Variants in CCDC33 observed in about 807,000 individuals in gnomAD.
The protein encoded by CCDC33 is coiled-coil domain containing 33.
CCDC33 carries 94 observed loss-of-function variants against 91.9 expected under a neutral mutation model. The observed-to-expected ratio is 1.02, with a 90% CI of 0.87 to 1.21. CCDC33 has a LOEUF of 1.21. Ranked by LOEUF, CCDC33 falls within the 50% of genes most tolerant of loss-of-function variation. CCDC33 has a pLI of 0.00. For missense variants in CCDC33, 940 were observed against 935.5 expected, an observed-to-expected ratio of 1.00 and a Z score of -0.06; for synonymous variants, 396 against 374.5, an observed-to-expected ratio of 1.06 and a Z score of -0.66.
At position 74,306,184 on chromosome 15, in the gene CCDC33, TC is replaced by T. The variant is rs571503979; in HGVS notation, c.1290+10239del. Among the ~76,000 whole-genome samples the T allele has an allele frequency of 3.3e-5, 5 of 152,116 alleles. No homozygotes were observed. In the East Asian group the frequency reaches 9.7e-4, roughly 29 times the overall value. ...ACATAAAGATAATTCCGTACAAGGGTCCCTGTGCTCAAGAAGTCCCAATTGA... is the reference window on the plus strand; with the variant it reads ...ACATAAAGATAATTCCGTACAAGGGTCCTGTGCTCAAGAAGTCCCAATTGA... On this transcript the variant is annotated intron_variant, in intron 11 of 18. Coordinates refer to ENST00000398814, the MANE Select transcript of CCDC33 (RefSeq NM_025055.5).
At chr15:74,292,380 T>G (rs2059601285) in intron 10 of CCDC33, among the ~76,000 whole-genome samples, 1 of 152,192 alleles carries the variant, frequency 6.6e-6, no homozygotes, top group African/African-American at 2.4e-5. Context: ...AGCAAGGGGC[T>G]GAGGGCATAA....
chr15:74,330,788 T>C (rs1234149415), intron 13 of CCDC33, 37 bp downstream of exon 13: 15 of 1,565,972 alleles, frequency 9.6e-6, no homozygotes, highest in Non-Finnish European at 1.1e-5. Context: ...GGGAGGGAGC[T>C]ATGGTGGGGG....
At position 74,330,376 on chromosome 15, in the gene CCDC33, A is replaced by G. The variant is rs748754982; in HGVS notation, c.1456+22A>G. 1.2e-5 allele frequency: 19 copies of G among 1,549,540 alleles called. No individual in the cohort carries two copies. The Admixed American group carries it at 3.2e-4, about 26-fold the overall frequency. ...ACGGGTGAGGATGTGCAGGCCACCA[A>G]GGGCACCCGGGCTTCTGCCTGGGCC... On this transcript the variant is annotated intron_variant, in intron 12 of 18. Coordinates refer to ENST00000398814, the MANE Select transcript of CCDC33 (RefSeq NM_025055.5).
At chr15:74,323,941 A>G (rs900091359) in intron 11 of CCDC33, among the ~76,000 whole-genome samples, 6 of 152,060 alleles carry the variant, frequency 3.9e-5, no homozygotes, top group Non-Finnish European at 8.8e-5. Flanking sequence ...AATACAAAAA[A>G]AATTAGCCCG....
intron 2 of CCDC33, among the ~76,000 whole-genome samples, chr15:74,251,139 C>G (rs2075696263): frequency 1.3e-5 from 2 of 152,372 alleles, no homozygotes; most frequent in South Asian, 2.1e-4. Context: ...CTGCTGCAGG[C>G]CTGCCTGGCT....
chr15:74,284,769 G>A (rs140756241), intron 10 of CCDC33, among the ~76,000 whole-genome samples: 1 of 152,200 alleles, frequency 6.6e-6, no homozygotes, highest in African/African-American at 2.4e-5. Context: ...AGCTGAGTAC[G>A]GTGATGAGCT....
At chr15:74,297,566 C>T (rs351192) in intron 11 of CCDC33, among the ~76,000 whole-genome samples, 133,900 of 152,188 alleles carry the variant, frequency 0.88, 59,652 homozygotes, top group Non-Finnish European at 0.95. Flanking sequence ...TGTTGGTGCA[C>T]GTCTGTAGTC....
At chr15:74,310,266 C>A (rs1054618820) in intron 11 of CCDC33, among the ~76,000 whole-genome samples, 7 of 152,068 alleles carry the variant, frequency 4.6e-5, no homozygotes, top group African/African-American at 1.7e-4. Flanking sequence ...AGGCCGGGCA[C>A]AATGGCTCAT....
chr15:74,331,216 T>C lies in CCDC33; in HGVS notation c.1691T>C (p.Met564Thr). The change falls in exon 15 of 19, where the codon ATG becomes ACG. Residue 564 changes from methionine to threonine, a missense_variant. Met to Thr is a moderately conservative substitution (Grantham distance 81). Transcript: ENST00000398814. ...VRHQEKVIEK[M>T]ERVLEDRLQD... ...TCTGCTCTCCAGGTGATCGAGAAGA[T>C]GGAGCGGGTGCTGGAGGACAGGCTG... The C allele has an allele frequency of 6.2e-7, 1 of 1,614,132 alleles. No homozygotes were observed. The highest frequency in any genetic ancestry group is 8.5e-7 in the Non-Finnish European group (1 of 1,179,998).
At chr15:74,231,276 G>T (rs1385852395) in intron 2 of CCDC33, among the ~76,000 whole-genome samples, 1 of 152,194 alleles carries the variant, frequency 6.6e-6, no homozygotes, top group East Asian at 1.9e-4. Flanking sequence ...GGGGTGTTAT[G>T]ACCCCACCAG....
In CCDC33 at chr15:74,269,518, C is replaced by A. The variant is rs532123616; in HGVS notation, c.546+1060C>A. Among the ~76,000 whole-genome samples the A allele has an allele frequency of 3.9e-5, 6 of 152,218 alleles. No homozygotes were observed. The East Asian group carries it at 9.6e-4, about 24-fold the overall frequency. On this transcript the variant is annotated intron_variant, in intron 5 of 18. Transcript: ENST00000398814. ...CTGCTCCCCGCCACCTTCTATCACG[C>A]CCTTTCCTGAGGACAGCCAGCAATT...
At chr15:74,209,040 G>A (rs753235382) in intron 1 of CCDC33, 12 of 1,161,020 alleles carry the variant, frequency 1.0e-5, no homozygotes, top group African/African-American at 6.5e-5. Context: ...TGCTCCTCCC[G>A]GAAGGCAGCT....
chr15:74,248,264 AT>A (rs35386155), intron 2 of CCDC33, among the ~76,000 whole-genome samples: 88,558 of 151,014 alleles, frequency 0.59, 26,737 homozygotes, highest in Non-Finnish European at 0.67. Flanking sequence ...TCTAAATTTT[AT>A]TTTTTATTTG....
Position 74,272,839 on chromosome 15 carries a change from C to G in CCDC33, c.707C>G (p.Pro236Arg). 1 of 1,614,228 alleles carries G rather than the reference C, an allele frequency of 6.2e-7. No homozygotes were observed. Among genetic ancestry groups the G allele is most frequent in the Non-Finnish European group, 8.5e-7 (1 of 1,180,026 alleles). Residue 236 changes from proline (P) to arginine (R), a missense_variant, in exon 7 of 19, where the codon CCG becomes CGG. Coordinates refer to ENST00000398814, the MANE Select transcript of CCDC33 (RefSeq NM_025055.5). ...LPITPLSFPI[P>R]SMMNFDVPRV... Reference sequence around the variant, plus strand: ...ATCACCCCACTGTCCTTCCCTATCCCGTCCATGATGAACTTTGACGTGCCT... The same window carrying G: ...ATCACCCCACTGTCCTTCCCTATCCGGTCCATGATGAACTTTGACGTGCCT...
chr15:74,245,527 C>T (rs1051281187), intron 2 of CCDC33, among the ~76,000 whole-genome samples: 9 of 152,194 alleles, frequency 5.9e-5, no homozygotes, highest in African/African-American at 2.2e-4. Flanking sequence ...CCGATCATCT[C>T]GGGAGATTGA....
Position 74,331,084 on chromosome 15 carries a change from T to C in CCDC33, c.1649T>C (p.Leu550Pro). ...GGCAAGCTGCAGAAGATGAAGGCGC[T>C]GGAGGAGACTGTGCGGCACCAAGAG... ...YQGKLQKMKALEETVRHQEKV... is the reference protein window; with the variant it reads ...YQGKLQKMKAPEETVRHQEKV... The change falls in exon 14 of 19, where the codon CTG (leucine) becomes CCG (proline). Residue 550 changes from leucine (L) to proline (P), a missense_variant. Transcript: ENST00000398814. 1 of 1,613,558 alleles carries C rather than the reference T, an allele frequency of 6.2e-7. No homozygotes were observed. The highest frequency in any genetic ancestry group is 8.5e-7 in the Non-Finnish European group (1 of 1,179,694).
chr15:74,286,265 C>A lies in CCDC33; in HGVS notation c.1095+4416C>A, dbSNP rs139802741. ...TGTCTCAAAAACAAAAACAAACAAACAAAAAAACTCCATGAGCCTATGGCT... is the reference window on the plus strand; with the variant it reads ...TGTCTCAAAAACAAAAACAAACAAAAAAAAAAACTCCATGAGCCTATGGCT... On this transcript the variant is annotated intron_variant, in intron 10 of 18. Coordinates refer to ENST00000398814, the MANE Select transcript of CCDC33 (RefSeq NM_025055.5). 9.1e-3 allele frequency among the ~76,000 whole-genome samples: 1,387 copies of A among 152,096 alleles called. 16 individuals are homozygous for A. The highest frequency in any genetic ancestry group is 0.032 in the African/African-American group (1,313 of 41,504).
At chr15:74,220,502 G>A (rs2074559405) in intron 2 of CCDC33, among the ~76,000 whole-genome samples, 1 of 152,206 alleles carries the variant, frequency 6.6e-6, no homozygotes. Flanking sequence ...CTCGGAAGAA[G>A]CTGTCCCCTG....
intron 2 of CCDC33, among the ~76,000 whole-genome samples, chr15:74,248,785 G>A (rs910818415): frequency 6.6e-6 from 1 of 152,096 alleles, no homozygotes; most frequent in African/African-American, 2.4e-5. Flanking sequence ...GGCTCATCTT[G>A]GGGGTCAGCC....
Sources: gnomAD v4.1 joint callset for allele counts (sites outside exome capture counted in the v4.1 genomes callset) on GRCh38, gnomAD v4.1.1 for gene constraint, MANE v1.5 for transcripts, NCBI Gene and HGNC (gene_info 2026-07-23, HGNC 2026-07-21) for gene names.